Variants in CHRM3 observed in about 807,000 individuals in gnomAD.
CHRM3 encodes the protein muscarinic acetylcholine receptor M3.
In CHRM3, 11 loss-of-function variants were observed where a neutral mutation model predicts 41.8. The observed-to-expected ratio is 0.26, with a 90% confidence interval of 0.17 to 0.44. The LOEUF (loss-of-function observed/expected upper bound fraction) is 0.44. CHRM3 is among the 20% of genes least tolerant of loss of function. The probability of loss-of-function intolerance (pLI) is 1.00; values close to 1 mark genes in which losing one functional copy is unlikely to be tolerated. For synonymous variants in CHRM3, 297 were observed against 301.4 expected (o/e 0.99, Z 0.15); for missense variants, 571 against 745.4 (o/e 0.77, Z 2.72).
chr1:239,899,326 TA>T (rs1355701935), intron 6 of CHRM3, among the ~76,000 whole-genome samples: 1 of 149,514 alleles, frequency 6.7e-6, no homozygotes, highest in Non-Finnish European at 1.5e-5. Flanking sequence ...CACACGCATA[TA>T]TATCTATTGA....
Position 239,907,567 on chromosome 1 carries a change from G to A in CHRM3, c.116G>A (p.Ser39Asn). The A allele has an allele frequency of 1.2e-6, 2 of 1,614,138 alleles. No individual in the cohort carries two copies. Among genetic ancestry groups the A allele is most frequent in the African/African-American group, 1.3e-5 (1 of 75,026 alleles). The change falls in exon 7 of 7, where the codon AGC (serine) becomes AAC (asparagine). Residue 39 changes from serine (S) to asparagine (N), a missense_variant. Transcript: ENST00000676153. This position sits in a 1 kb window ranked among gnomAD's most constrained non-coding sequence, Gnocchi z 5.4. ...CCGGGAACCGTCACTCATTTCGGCA[G>A]CTACAATGTTTCTCGAGCAGCTGGC... ...LPPGTVTHFG[S>N]YNVSRAAGNF...
rs149508522 is a variant in CHRM3, at chr1:239,465,187, C to T, written c.-520-27522C>T. Among the ~76,000 whole-genome samples the T allele has an allele frequency of 3.0e-4, 46 of 152,092 alleles. 1 individual carries two copies. In the East Asian group the frequency reaches 7.9e-3, roughly 26 times the overall value. On this transcript the variant is annotated intron_variant, in intron 1 of 6. Transcript: ENST00000676153. ...TTAAACACGCATGGATAGGCCAGTC[C>T]AGCTGATGTACAAGGTTTCCATCTC...
chr1:239,404,095 T>C (rs536111530), intron 1 of CHRM3, among the ~76,000 whole-genome samples: 4 of 149,628 alleles, frequency 2.7e-5, no homozygotes, highest in South Asian at 2.1e-4. Flanking sequence ...GAGACCATCC[T>C]GGCTAACACA....
At chr1:239,661,152 A>C (rs998871308) in intron 4 of CHRM3, among the ~76,000 whole-genome samples, 4 of 152,196 alleles carry the variant, frequency 2.6e-5, no homozygotes, top group African/African-American at 9.7e-5. Context: ...ACAGAACTAA[A>C]GAACTCCTAT....
chr1:239,837,574 A>C lies in CHRM3; in HGVS notation c.-20+10196A>C, dbSNP rs573708999. On this transcript the variant is annotated intron_variant, in intron 6 of 6. Coordinates refer to ENST00000676153, the MANE Select transcript of CHRM3 (RefSeq NM_001375978.1). ...ATATGTTATATATGTTTTAAGTTAG[A>C]CTCTACAGAACTTAAGGTGAAGCAC... 2.0e-4 allele frequency among the ~76,000 whole-genome samples: 31 copies of C among 152,316 alleles called. No individual in the cohort carries two copies. The South Asian group carries it at 6.4e-3, about 32-fold the overall frequency.
chr1:239,545,960 G>A (rs1238810784), intron 3 of CHRM3: 1 of 152,066 alleles, frequency 6.6e-6, no homozygotes, highest in Non-Finnish European at 1.5e-5. Flanking sequence ...TATAAATGTG[G>A]TAATTATGTA....
intron 3 of CHRM3, among the ~76,000 whole-genome samples, chr1:239,587,409 CTAGA>C (rs1225921265): frequency 1.3e-5 from 2 of 152,174 alleles, no homozygotes; most frequent in African/African-American, 2.4e-5. Context: ...GAGATATAAG[CTAGA>C]TAGAGAGTCC....
intron 3 of CHRM3, among the ~76,000 whole-genome samples, chr1:239,583,707 C>T (rs1394198420): frequency 4.6e-5 from 7 of 152,184 alleles, no homozygotes; most frequent in African/African-American, 1.2e-4. Flanking sequence ...GTCCATTTGG[C>T]TTCATGACAG....
intron 3 of CHRM3, among the ~76,000 whole-genome samples, chr1:239,605,320 A>G (rs1001202474): frequency 5.9e-5 from 9 of 152,180 alleles, no homozygotes; most frequent in African/African-American, 1.2e-4. Flanking sequence ...AATACTTACT[A>G]TTGTGTAACA....
intron 1 of CHRM3, among the ~76,000 whole-genome samples, chr1:239,455,862 G>A (rs1343704157): frequency 6.6e-6 from 1 of 152,156 alleles, no homozygotes; most frequent in African/African-American, 2.4e-5. Context: ...TAATGTCCCA[G>A]GCCTTCACAT....
In CHRM3 at chr1:239,387,191, A is replaced by C. The variant is rs1658580254; in HGVS notation, c.-557A>C. ...ACCCGCGCACCGGGCAGGCGCGGAG[A>C]CCGGCGTGGGACAGCCACCTGGAGC... On this transcript the variant is annotated 5_prime_UTR_variant, in exon 1 of 7. Coordinates refer to ENST00000676153, the MANE Select transcript of CHRM3 (RefSeq NM_001375978.1). This position sits in a 1 kb window ranked among gnomAD's most constrained non-coding sequence, Gnocchi z 5.1. 6.6e-6 allele frequency: 1 copy of C among 152,142 alleles called. No individual in the cohort carries two copies. Among genetic ancestry groups the C allele is most frequent in the Non-Finnish European group, 1.5e-5 (1 of 68,102 alleles). 9.4% of individuals were successfully genotyped at this position (152,142 alleles called of 1,614,324 possible). A position where few individuals can be genotyped will look rare whatever the true frequency, so the allele number is the denominator to read the frequency against.
chr1:239,808,619 G>A (rs558438), intron 5 of CHRM3, among the ~76,000 whole-genome samples: 29,936 of 152,094 alleles, frequency 0.2, 3,209 homozygotes, highest in East Asian at 0.31. Context: ...CCAATTCTTC[G>A]TGATAAGCCC....
chr1:239,881,809 T>G (rs1170881662), intron 6 of CHRM3, among the ~76,000 whole-genome samples: 1 of 152,166 alleles, frequency 6.6e-6, no homozygotes, highest in Non-Finnish European at 1.5e-5. Context: ...ACAGGACCAT[T>G]TTGATAAGTC....
intron 5 of CHRM3, among the ~76,000 whole-genome samples, chr1:239,766,395 G>A (rs139621243): frequency 7.9e-5 from 12 of 152,168 alleles, no homozygotes; most frequent in Middle Eastern, 3.4e-3. Context: ...TAAATACAAG[G>A]AGAGGATCAA....
chr1:239,841,725 C>T (rs1325466855), intron 6 of CHRM3, among the ~76,000 whole-genome samples: 1 of 152,208 alleles, frequency 6.6e-6, no homozygotes, highest in Non-Finnish European at 1.5e-5. Flanking sequence ...TGAAGAGCAG[C>T]TTTCAAGGCA....
At chr1:239,649,853 A>G (rs2148962124) in intron 4 of CHRM3, among the ~76,000 whole-genome samples, 1 of 152,302 alleles carries the variant, frequency 6.6e-6, no homozygotes, top group South Asian at 2.1e-4. Context: ...CAGTCCTCAG[A>G]TTATTATTTC....
chr1:239,733,522 A>C (rs1385563529), intron 5 of CHRM3, among the ~76,000 whole-genome samples: 5 of 152,082 alleles, frequency 3.3e-5, no homozygotes, highest in East Asian at 3.9e-4. Context: ...GTTATTCTCA[A>C]GTTAGGTAGT....
At chr1:239,715,715 C>T (rs1662282520) in intron 5 of CHRM3, among the ~76,000 whole-genome samples, 2 of 152,182 alleles carry the variant, frequency 1.3e-5, no homozygotes, top group Admixed American at 6.5e-5. Flanking sequence ...GATATCTCTT[C>T]TAATGAGTTG....
chr1:239,877,261 A>G (rs191073465), intron 6 of CHRM3, among the ~76,000 whole-genome samples: 2 of 152,284 alleles, frequency 1.3e-5, no homozygotes, highest in African/African-American at 4.8e-5. Context: ...ATAGGAAGTT[A>G]GGGGCTTCAG....
Sources: allele counts gnomAD v4.1 joint callset (sites outside exome capture counted in the v4.1 genomes callset), GRCh38; gene constraint gnomAD v4.1.1; non-coding constraint Gnocchi (gnomAD v3.1); transcripts MANE v1.5; gene names NCBI Gene and HGNC (gene_info 2026-07-23, HGNC 2026-07-21).